GRID2: variants seen among roughly 807,000 people sequenced by gnomAD.
GRID2 encodes glutamate receptor ionotropic, delta-2.
GRID2 carries 33 observed loss-of-function variants against 114.8 expected under a neutral mutation model. The ratio of observed to expected loss-of-function variants is 0.29; its 90% CI spans 0.22 to 0.38. The LOEUF (loss-of-function observed/expected upper bound fraction) is 0.38. Ranked by LOEUF, GRID2 falls within the 10% of genes least tolerant of loss-of-function variation. The probability of loss-of-function intolerance (pLI) is 1.00; values close to 1 mark genes in which losing one functional copy is unlikely to be tolerated. For missense variants in GRID2, 1,184 were observed against 1,257.7 expected (o/e 0.94, Z 0.89); for synonymous variants, 505 against 449.9 (o/e 1.12, Z -1.55).
chr4:93,071,824 G>T (rs1728833548), intron 2 of GRID2, among the ~76,000 whole-genome samples: 1 of 152,108 alleles, frequency 6.6e-6, no homozygotes, highest in Non-Finnish European at 1.5e-5. Context: ...TAGTGTGTGT[G>T]CCTGAATGAC....
chr4:93,063,003 A>G (rs563479568), intron 2 of GRID2, among the ~76,000 whole-genome samples: 1 of 151,904 alleles, frequency 6.6e-6, no homozygotes, highest in Non-Finnish European at 1.5e-5. Context: ...ATTTAAAGAG[A>G]GCAAACTTAT....
In GRID2 at chr4:93,070,474, T is replaced by G. The variant is rs539489018; in HGVS notation, c.245-14521T>G. On this transcript the variant is annotated intron_variant, in intron 2 of 15. Coordinates refer to ENST00000282020, the MANE Select transcript of GRID2 (RefSeq NM_001510.4). Reference sequence around the variant, plus strand: ...AAATCCAAATGCATTTTATGCTAAGTGAAATGTGATTATCAAAAAATTGTA... The same window carrying G: ...AAATCCAAATGCATTTTATGCTAAGGGAAATGTGATTATCAAAAAATTGTA... 1.6e-4 allele frequency among the ~76,000 whole-genome samples: 25 copies of G among 152,178 alleles called. No individual in the cohort carries two copies. In the South Asian group the frequency reaches 5.2e-3, roughly 31 times the overall value.
intron 8 of GRID2, among the ~76,000 whole-genome samples, chr4:93,275,759 T>C (rs1751988237): frequency 6.6e-6 from 1 of 151,904 alleles, no homozygotes. Context: ...TGGCCATTTA[T>C]AGATCTTCTT....
intron 5 of GRID2, among the ~76,000 whole-genome samples, chr4:93,211,169 A>G (rs1743426948): frequency 6.6e-6 from 1 of 152,040 alleles, no homozygotes; most frequent in African/African-American, 2.4e-5. Flanking sequence ...CCTGAACTTA[A>G]AAGTATAAAC....
intron 12 of GRID2, among the ~76,000 whole-genome samples, chr4:93,494,704 A>G (rs1371992810): frequency 6.6e-6 from 1 of 151,792 alleles, no homozygotes; most frequent in African/African-American, 2.4e-5. Context: ...TTAAAGGGAA[A>G]AAAAATGCCA....
At chr4:92,767,218 A>G (rs1432834374) in intron 2 of GRID2, among the ~76,000 whole-genome samples, 1 of 152,206 alleles carries the variant, frequency 6.6e-6, no homozygotes, top group African/African-American at 2.4e-5. Context: ...TATCTGGAGG[A>G]TGACAGAACC....
intron 1 of GRID2, among the ~76,000 whole-genome samples, chr4:92,586,628 C>G (rs1728464343): frequency 6.6e-6 from 1 of 151,806 alleles, no homozygotes; most frequent in Admixed American, 6.6e-5. Flanking sequence ...ACATATGACA[C>G]TTCACAATGA....
At chr4:93,094,038 G>A (rs896148007) in intron 3 of GRID2, among the ~76,000 whole-genome samples, 1 of 151,732 alleles carries the variant, frequency 6.6e-6, no homozygotes, top group African/African-American at 2.4e-5. Flanking sequence ...TTTTAACTTT[G>A]ATAGTTGAAG....
intron 8 of GRID2, among the ~76,000 whole-genome samples, chr4:93,287,860 T>G (rs888216975): frequency 6.6e-6 from 1 of 152,200 alleles, no homozygotes; most frequent in Non-Finnish European, 1.5e-5. Flanking sequence ...CAAGTTCCAT[T>G]GATACCAGTC....
At chr4:92,882,949 G>T (rs1211465777) in intron 2 of GRID2, among the ~76,000 whole-genome samples, 1 of 152,202 alleles carries the variant, frequency 6.6e-6, no homozygotes, top group Non-Finnish European at 1.5e-5. Flanking sequence ...GTTGCTGAAG[G>T]TCGGGGTGGC....
At chr4:93,775,796 C>T (rs1300492132), downstream of GRID2, among the ~76,000 whole-genome samples, 6 of 152,176 alleles carry the variant, frequency 3.9e-5, no homozygotes, top group East Asian at 1.2e-3. Context: ...TGTAAGACTG[C>T]CTTCTTCCTC....
intron 2 of GRID2, among the ~76,000 whole-genome samples, chr4:92,938,583 CT>C (rs1029612973): frequency 1.4e-5 from 2 of 145,684 alleles, no homozygotes; most frequent in African/African-American, 4.9e-5. Context: ...TTTTATTATA[CT>C]TTAAGTTTTA....
intron 2 of GRID2, among the ~76,000 whole-genome samples, chr4:92,947,677 G>T (rs2149128976): frequency 6.6e-6 from 1 of 151,608 alleles, no homozygotes; most frequent in Non-Finnish European, 1.5e-5. Context: ...CCTTCAAATA[G>T]TCTTCAGAGG....
At chr4:92,516,009 TTA>T (rs1724484744) in intron 1 of GRID2, among the ~76,000 whole-genome samples, 1 of 151,896 alleles carries the variant, frequency 6.6e-6, no homozygotes, top group African/African-American at 2.4e-5. Flanking sequence ...CCATGTTACT[TTA>T]TGTTTTTGCT....
At chr4:92,990,590 CA>C (rs2149202991) in intron 2 of GRID2, among the ~76,000 whole-genome samples, 1 of 152,010 alleles carries the variant, frequency 6.6e-6, no homozygotes, top group Admixed American at 6.6e-5. Flanking sequence ...GCTGGGATGA[CA>C]GGGGTGAGCC....
At chr4:93,663,330 A>T (rs1723664715) in intron 14 of GRID2, among the ~76,000 whole-genome samples, 2 of 152,158 alleles carry the variant, frequency 1.3e-5, no homozygotes, top group African/African-American at 4.8e-5. Flanking sequence ...AGTCCTCTTA[A>T]GATTTCTCAT....
At chr4:92,697,403 T>C (rs1734469377) in intron 2 of GRID2, among the ~76,000 whole-genome samples, 2 of 152,016 alleles carry the variant, frequency 1.3e-5, no homozygotes, top group Non-Finnish European at 2.9e-5. Flanking sequence ...AGGGTTTGAG[T>C]AGAAAATTGA....
At chr4:92,507,974 CA>C (rs1201077132) in intron 1 of GRID2, among the ~76,000 whole-genome samples, 1 of 151,868 alleles carries the variant, frequency 6.6e-6, no homozygotes, top group Non-Finnish European at 1.5e-5. Flanking sequence ...CAGCACAGTA[CA>C]AAAAATCCAC....
chr4:92,962,229 TG>T (rs1481398537), intron 2 of GRID2, among the ~76,000 whole-genome samples: 2 of 151,958 alleles, frequency 1.3e-5, no homozygotes, highest in Non-Finnish European at 2.9e-5. Context: ...TAGTATGCCT[TG>T]TTTTTTTAAT....
Sources: allele counts gnomAD v4.1 joint callset (sites outside exome capture counted in the v4.1 genomes callset), GRCh38; gene constraint gnomAD v4.1.1; transcripts MANE v1.5; gene names NCBI Gene and HGNC (gene_info 2026-07-23, HGNC 2026-07-21).